Variants in PRDM14 observed in about 807,000 individuals in gnomAD.
The protein encoded by PRDM14 is PR domain zinc finger protein 14.
PRDM14 carries 16 observed loss-of-function variants against 48.0 expected under a neutral mutation model. The ratio of observed to expected loss-of-function variants is 0.33; its 90% CI spans 0.23 to 0.51. PRDM14 has a LOEUF of 0.51. Among genes scored for constraint, PRDM14 ranks in the 20% least tolerant of loss-of-function variants. The pLI is 0.97. For missense variants in PRDM14, 566 were observed against 719.6 expected, an observed-to-expected ratio of 0.79 and a Z score of 2.44; for synonymous variants, 264 against 276.6, an observed-to-expected ratio of 0.95 and a Z score of 0.45.
At chr8:70,064,270 C>T (rs7010162) in intron 5 of PRDM14, among the ~76,000 whole-genome samples, 79,760 of 151,488 alleles carry the variant, frequency 0.53, 22,646 homozygotes, top group East Asian at 0.93. Context: ...TTATTATTTA[C>T]CCCCTAATTT....
Position 70,052,376 on chromosome 8 carries a change from G to A in PRDM14, c.1489-72C>T, listed in dbSNP as rs141338713. The A allele has an allele frequency of 3.4e-4, 434 of 1,265,234 alleles. 1 individual carries two copies. The East Asian group carries it at 6.4e-3, about 19-fold the overall frequency. The allele number at this position is 1,265,234 out of a possible 1,614,324, so 78.4% of individuals were successfully genotyped here. ...GAGCTGGACAACCAATTAAACTAAG[G>A]GGTAAATTTCACTGTTGCTCATCCT... On this transcript the variant is annotated intron_variant, in intron 7 of 7. Transcript: ENST00000276594.
At chr8:70,058,875 GT>G in intron 5 of PRDM14, 33 bp from the exon 6 acceptor site, 4 of 1,521,220 alleles carry the variant, frequency 2.6e-6, no homozygotes, top group Non-Finnish European at 3.6e-6. Context: ...TGTCTCTTCA[GT>G]TACTTCCCTC....
Position 70,056,882 on chromosome 8 carries a change from G to A in PRDM14, c.1387-1481C>T, listed in dbSNP as rs149452900. 1.6e-3 allele frequency among the ~76,000 whole-genome samples: 247 copies of A among 150,758 alleles called. 3 individuals carry two copies. Among genetic ancestry groups the A allele is most frequent in the African/African-American group, 5.4e-3 (221 of 41,120 alleles). ...TGTAAGAGCACCTCGTCTGTTGAAGGGTAAGCCATCATCTCACTATCACCA... is the reference window on the plus strand; with the variant it reads ...TGTAAGAGCACCTCGTCTGTTGAAGAGTAAGCCATCATCTCACTATCACCA... On this transcript the variant is annotated intron_variant, in intron 6 of 7. Transcript: ENST00000276594.
chr8:70,055,163 G>C (rs1010264548), intron 7 of PRDM14, 137 bp downstream of exon 7: 2 of 509,292 alleles, frequency 3.9e-6, no homozygotes, highest in African/African-American at 3.8e-5. Flanking sequence ...GCATATTTAG[G>C]GGTGGAAATG....
chr8:70,054,447 T>C (rs1259164719), intron 7 of PRDM14, among the ~76,000 whole-genome samples: 2 of 151,962 alleles, frequency 1.3e-5, no homozygotes, highest in Admixed American at 6.6e-5. Context: ...GTGGCACAGC[T>C]AGGTAAGCAC....
intron 6 of PRDM14, 97 bp from the exon 7 acceptor site, chr8:70,055,498 C>CCAAT (rs1805457824): frequency 9.6e-6 from 6 of 625,110 alleles, no homozygotes; most frequent in Non-Finnish European, 1.7e-5. Flanking sequence ...GAACTCTTTT[C>CCAAT]CAATTTTTTT....
chr8:70,061,308 G>A (rs1805577822), intron 5 of PRDM14, among the ~76,000 whole-genome samples: 1 of 152,168 alleles, frequency 6.6e-6, no homozygotes, highest in Non-Finnish European at 1.5e-5. Flanking sequence ...CAGGGAGGAA[G>A]AGCAGCCAAG....
intron 5 of PRDM14, among the ~76,000 whole-genome samples, chr8:70,064,938 G>A (rs1274877902): frequency 6.6e-6 from 1 of 150,772 alleles, no homozygotes; most frequent in African/African-American, 2.4e-5. Context: ...CCAGGCTGGA[G>A]TGCAGTGGTG....
rs918577869 is a variant in PRDM14, at chr8:70,064,291, C to T, written c.1183+1944G>A. Among the ~76,000 whole-genome samples the T allele has an allele frequency of 2.6e-5, 4 of 151,940 alleles. No homozygotes were observed. In the East Asian group the frequency reaches 7.7e-4, roughly 29 times the overall value. On this transcript the variant is annotated intron_variant, in intron 5 of 7. Transcript: ENST00000276594. ...TTTACCCCCTAATTTCTGGACATTTCCTTGCCTTCTGCTTCACTGTTCCCT... is the reference window on the plus strand; with the variant it reads ...TTTACCCCCTAATTTCTGGACATTTTCTTGCCTTCTGCTTCACTGTTCCCT...
intron 6 of PRDM14, among the ~76,000 whole-genome samples, chr8:70,055,656 C>T (rs1465314927): frequency 6.6e-6 from 1 of 152,048 alleles, no homozygotes; most frequent in African/African-American, 2.4e-5. Flanking sequence ...CAGGTGCGTG[C>T]CACTAAGCCA....
At chr8:70,053,522 C>G (rs1805422808) in intron 7 of PRDM14, among the ~76,000 whole-genome samples, 1 of 152,064 alleles carries the variant, frequency 6.6e-6, no homozygotes, top group African/African-American at 2.4e-5. Flanking sequence ...TCCCAAGTAG[C>G]TGGAATTACA....
In PRDM14 at chr8:70,052,315, C is replaced by A; in HGVS notation, c.1489-11G>T. On this transcript the variant is annotated splice_polypyrimidine_tract_variant and intron_variant, in intron 7 of 7. Transcript: ENST00000276594. ...GGAGGCTGTGAACCTCTGCAGAGAA[C>A]AGAAATACAGAACACAAGAAAAAGT... 1 of 1,584,860 alleles carries A rather than the reference C, an allele frequency of 6.3e-7. No individual in the cohort carries two copies. The highest frequency in any genetic ancestry group is 8.6e-7 in the Non-Finnish European group (1 of 1,160,450).
chr8:70,055,501 AT>A, intron 6 of PRDM14, 100 bp from the exon 7 acceptor site: 2 of 598,560 alleles, frequency 3.3e-6, no homozygotes, highest in Non-Finnish European at 5.8e-6. Flanking sequence ...CTCTTTTCCA[AT>A]TTTTTTCTTT....
Position 70,055,321 on chromosome 8 carries a change from G to A in PRDM14, c.1467C>T (p.Tyr489=). ...TTACCTTAGTACAATACACACACTG[G>A]TATGGTCTGTCTCCAGAGTGGACTC... ...HMRVHSGDRP[Y]QCVYCTKRFT... is the part of the protein sequence containing the mutation. Residue 489 remains tyrosine (Y), a synonymous_variant, in exon 7 of 8, where the codon TAC becomes TAT. Transcript: ENST00000276594. 1.2e-6 allele frequency: 2 copies of A among 1,601,208 alleles called. No homozygotes were observed.
rs374011937 is a variant in PRDM14, at chr8:70,051,770, T to TTTTGTTTTGTTTTGTTTTG, written c.*306_*307insCAAAACAAAACAAAACAAA. 3,848 of 247,570 alleles carry TTTTGTTTTGTTTTGTTTTG rather than the reference T, an allele frequency of 0.016. 46 individuals are homozygous for TTTTGTTTTGTTTTGTTTTG. The highest frequency in any genetic ancestry group is 0.026 in the African/African-American group (1,181 of 45,478). The allele number at this position is 247,570 out of a possible 1,614,324, so 15.3% of individuals were successfully genotyped here. A position where few individuals can be genotyped will look rare whatever the true frequency, so the allele number is the denominator to read the frequency against. On this transcript the variant is annotated 3_prime_UTR_variant, in exon 8 of 8. Coordinates refer to ENST00000276594, the MANE Select transcript of PRDM14 (RefSeq NM_024504.4). Reference sequence around the variant, plus strand: ...CCACACTCTTGAGGGCTACTCATTTTTTTTGTTTTGTTTTGTTTTGAGACA... The same window carrying TTTTGTTTTGTTTTGTTTTG: ...CCACACTCTTGAGGGCTACTCATTTTTTTGTTTTGTTTTGTTTTGTTTTGTTTTGTTTTGTTTTGAGACA...
intron 1 of PRDM14, among the ~76,000 whole-genome samples, chr8:70,070,189 C>T (rs1270269428): frequency 6.6e-6 from 1 of 152,202 alleles, no homozygotes; most frequent in Non-Finnish European, 1.5e-5. Flanking sequence ...GGCCGCCTTC[C>T]CACACCCGCT....
rs1048628267 is a variant in PRDM14, at chr8:70,051,888, C to T, written c.*189G>A. 5 of 525,616 alleles carry T rather than the reference C, an allele frequency of 9.5e-6. No homozygotes were observed. Among genetic ancestry groups the T allele is most frequent in the Non-Finnish European group, 1.7e-5 (5 of 294,346 alleles). 32.6% of individuals were successfully genotyped at this position (525,616 alleles called of 1,614,324 possible). A position where few individuals can be genotyped will look rare whatever the true frequency, so the allele number is the denominator to read the frequency against. ...CTGTGCTCAAACCATCCTGCCACCT[C>T]GACCTCCTGAGTGGCTGGAACCACA... On this transcript the variant is annotated 3_prime_UTR_variant, in exon 8 of 8. Coordinates refer to ENST00000276594, the MANE Select transcript of PRDM14 (RefSeq NM_024504.4).
intron 5 of PRDM14, among the ~76,000 whole-genome samples, chr8:70,064,997 C>T (rs1170888372): frequency 6.6e-6 from 1 of 151,914 alleles, no homozygotes; most frequent in Non-Finnish European, 1.5e-5. Context: ...AATGATTCTC[C>T]TGCCTCAGCC....
Position 70,051,975 on chromosome 8 carries a change from T to C in PRDM14, c.*102A>G, listed in dbSNP as rs1805392674. 4 of 761,582 alleles carry C rather than the reference T, an allele frequency of 5.3e-6. No individual in the cohort carries two copies. Among genetic ancestry groups the C allele is most frequent in the Non-Finnish European group, 8.6e-6 (4 of 466,236 alleles). 47.2% of individuals were successfully genotyped at this position (761,582 alleles called of 1,614,324 possible). A position where few individuals can be genotyped will look rare whatever the true frequency, so the allele number is the denominator to read the frequency against. On this transcript the variant is annotated 3_prime_UTR_variant, in exon 8 of 8. Transcript: ENST00000276594. ...TTTTGGTAGAGACAGGATTTCACCA[T>C]GTTGCCCAGGCTGGTCTCGAACTCC...
Sources: allele counts gnomAD v4.1 joint callset (sites outside exome capture counted in the v4.1 genomes callset), GRCh38; gene constraint gnomAD v4.1.1; transcripts MANE v1.5; gene names NCBI Gene and HGNC (gene_info 2026-07-23, HGNC 2026-07-21).